The following PSMD6 variants were observed in gnomAD, a reference collection of about 807,000 sequenced individuals.
The protein encoded by PSMD6 is 26S proteasome non-ATPase regulatory subunit 6.
In PSMD6, 7 loss-of-function variants were observed where a neutral mutation model predicts 44.9. That is an observed-to-expected ratio of 0.16 (90% confidence interval 0.09 to 0.29). The LOEUF (loss-of-function observed/expected upper bound fraction) is 0.29. Ranked by LOEUF, PSMD6 falls within the 10% of genes least tolerant of loss-of-function variation. The probability of loss-of-function intolerance (pLI) is 1.00; values close to 1 mark genes in which losing one functional copy is unlikely to be tolerated. For synonymous variants in PSMD6, 184 were observed against 172.7 expected, an observed-to-expected ratio of 1.07 and a Z score of -0.51; for missense variants, 420 against 482.6, an observed-to-expected ratio of 0.87 and a Z score of 1.21.
chr3:64,023,508 GGCCGCCTGCGGC>G, upstream of PSMD6: 1 of 1,433,084 alleles, frequency 7.0e-7, no homozygotes. Flanking sequence ...GAATACGCCC[GGCCGCCTGCGGC>G]CCGGCTTCCG....
At chr3:64,020,193 TGACG>T (rs2076107895) in intron 2 of PSMD6, among the ~76,000 whole-genome samples, 3 of 152,192 alleles carry the variant, frequency 2.0e-5, no homozygotes, top group Non-Finnish European at 2.9e-5. Context: ...CAAAGTGTCT[TGACG>T]GAGCCTCTGC....
chr3:64,020,572 C>A (rs2076113250), intron 2 of PSMD6, among the ~76,000 whole-genome samples: 1 of 152,120 alleles, frequency 6.6e-6, no homozygotes, highest in Non-Finnish European at 1.5e-5. Flanking sequence ...CTAGATAATT[C>A]TAAACTTTTC....
upstream of PSMD6, chr3:64,023,662 G>A: frequency 4.1e-6 from 6 of 1,468,618 alleles, no homozygotes; most frequent in Non-Finnish European, 5.4e-6. Context: ...CCCAGAGTGG[G>A]TGCAGCCCAA....
chr3:64,011,847 GAAGCA>G (rs1387111872), intron 6 of PSMD6: 5 of 152,450 alleles, frequency 3.3e-5, no homozygotes, highest in Non-Finnish European at 4.4e-5. Context: ...GCTGGAAAAA[GAAGCA>G]AAGCCAAGCC....
At chr3:64,021,033 C>T (rs1298847568) in intron 2 of PSMD6, among the ~76,000 whole-genome samples, 1 of 151,658 alleles carries the variant, frequency 6.6e-6, no homozygotes, top group Non-Finnish European at 1.5e-5. Flanking sequence ...AGTAAGCTGG[C>T]TGCTATGCAG....
chr3:64,012,220 G>GAGAATGGTCTTATTAAAAAATACTAA (rs2075968720), intron 6 of PSMD6: 1 of 151,852 alleles, frequency 6.6e-6, no homozygotes, highest in Admixed American at 6.6e-5. Flanking sequence ...AAAAATACTA[G>GAGAATGGTCTTATTAAAAAATACTAA]AAAGAGAATG....
chr3:64,020,348 AG>A (rs1395371291), intron 2 of PSMD6, among the ~76,000 whole-genome samples: 2 of 152,320 alleles, frequency 1.3e-5, no homozygotes, highest in East Asian at 1.9e-4. Context: ...AGTAAATAGG[AG>A]GGGAAAAGTT....
intron 2 of PSMD6, among the ~76,000 whole-genome samples, chr3:64,021,104 C>T (rs1370038236): frequency 6.6e-6 from 1 of 151,842 alleles, no homozygotes; most frequent in Non-Finnish European, 1.5e-5. Context: ...ATTGTCCCGG[C>T]GATTTTGTTT....
chr3:64,023,871 T>C (rs758422586), upstream of PSMD6: 90 of 1,442,144 alleles, frequency 6.2e-5, no homozygotes, highest in African/African-American at 1.2e-3. Flanking sequence ...GAGGTAGTAC[T>C]ATTAGCCTAT....
chr3:64,023,536 G>T (rs2076169463), upstream of PSMD6: 4 of 1,402,640 alleles, frequency 2.9e-6, no homozygotes, highest in Admixed American at 9.7e-5. Flanking sequence ...TTCCGGTCCC[G>T]TCTCCGCCGG....
At chr3:64,018,373 T>G in intron 5 of PSMD6, 1 of 380,016 alleles carries the variant, frequency 2.6e-6, no homozygotes, top group Non-Finnish European at 4.8e-6. Flanking sequence ...TAAACAACAC[T>G]TTAAAAATGT....
chr3:64,022,960 C>T, intron 1 of PSMD6: 4 of 1,423,732 alleles, frequency 2.8e-6, no homozygotes, highest in Non-Finnish European at 3.7e-6. Context: ...GGGAGCAGTC[C>T]CCACTGACAG....
chr3:64,021,108 T>C (rs1157235560), intron 2 of PSMD6, among the ~76,000 whole-genome samples: 2 of 151,918 alleles, frequency 1.3e-5, no homozygotes, highest in Non-Finnish European at 2.9e-5. Context: ...TCCCGGCGAT[T>C]TTGTTTCATA....
intron 6 of PSMD6, 40 bp from the exon 7 acceptor site, chr3:64,010,995 A>G (rs752668822): frequency 4.7e-6 from 7 of 1,488,164 alleles, no homozygotes; most frequent in Non-Finnish European, 6.4e-6. Flanking sequence ...AGCTTTATAG[A>G]AAATTCTTAG....
At chr3:64,022,894 C>A (rs905031515) in intron 1 of PSMD6, 1 of 1,488,244 alleles carries the variant, frequency 6.7e-7, no homozygotes, top group African/African-American at 1.4e-5. Flanking sequence ...AAGAACCGAA[C>A]CCAAATTTCC....
chr3:64,023,437 C>T lies in PSMD6; in HGVS notation c.-18G>A. On this transcript the variant is annotated 5_prime_UTR_variant, in exon 1 of 8. Transcript: ENST00000295901. ...AGCGGCATCGCGGCGAAGGGGACAG[C>T]GGCTGACAGGACACAACTTGGTTAC... is the stretch of plus-strand genomic sequence containing the variant. 1 of 1,585,004 alleles carries T rather than the reference C, an allele frequency of 6.3e-7. No individual in the cohort carries two copies. The highest frequency in any genetic ancestry group is 8.6e-7 in the Non-Finnish European group (1 of 1,161,660).
At chr3:64,021,841 T>C (rs948744144) in intron 2 of PSMD6, among the ~76,000 whole-genome samples, 1 of 151,596 alleles carries the variant, frequency 6.6e-6, no homozygotes, top group Non-Finnish European at 1.5e-5. Context: ...CCAAAAAGTT[T>C]GCATAAATGC....
At chr3:64,018,780 C>A (rs758344565) in intron 4 of PSMD6, 38 bp downstream of exon 4, 2 of 1,531,136 alleles carry the variant, frequency 1.3e-6, no homozygotes, top group East Asian at 2.3e-5. Flanking sequence ...ACAAAAAAAA[C>A]AAGTCTTTAA....
intron 2 of PSMD6, 31 bp downstream of exon 2, chr3:64,022,287 A>T: frequency 6.2e-7 from 1 of 1,610,758 alleles, no homozygotes; most frequent in Non-Finnish European, 8.5e-7. Context: ...GCCTATACTA[A>T]CTACAGAGAG....
Sources: allele counts gnomAD v4.1 joint callset (sites outside exome capture counted in the v4.1 genomes callset), GRCh38; gene constraint gnomAD v4.1.1; transcripts MANE v1.5; gene names NCBI Gene and HGNC (gene_info 2026-07-23, HGNC 2026-07-21).